The following NRP2 variants were observed in gnomAD, a reference collection of about 807,000 sequenced individuals.
NRP2 encodes neuropilin 2, also known as neuropilin-2.
In NRP2, 52 loss-of-function variants were observed where a neutral mutation model predicts 110.4. The ratio of observed to expected loss-of-function variants is 0.47; its 90% CI spans 0.38 to 0.59. NRP2 has a LOEUF of 0.59. Among genes scored for constraint, NRP2 ranks in the 20% least tolerant of loss-of-function variants. NRP2 has a pLI of 0.00. For synonymous variants in NRP2, 508 were observed against 468.9 expected, an observed-to-expected ratio of 1.08 and a Z score of -1.08; for missense variants, 1,049 against 1,203.0, an observed-to-expected ratio of 0.87 and a Z score of 1.89.
intron 2 of NRP2, among the ~76,000 whole-genome samples, chr2:205,708,511 G>A (rs557005839): frequency 1.3e-5 from 2 of 152,270 alleles, no homozygotes; most frequent in East Asian, 1.9e-4. Context: ...CTTATCAGAT[G>A]CGTTGTCTGG....
Position 205,686,286 on chromosome 2 carries a change from C to G in NRP2, c.73+2923C>G, listed in dbSNP as rs1411794377. Among the ~76,000 whole-genome samples, 1 of 152,122 alleles carries G rather than the reference C, an allele frequency of 6.6e-6. No individual in the cohort carries two copies. Among genetic ancestry groups the G allele is most frequent in the Non-Finnish European group, 1.5e-5 (1 of 68,020 alleles). On this transcript the variant is annotated intron_variant, in intron 1 of 16. Coordinates refer to ENST00000357785, the MANE Select transcript of NRP2 (RefSeq NM_003872.3). The surrounding 1 kb of genome is among the most constrained non-coding windows in gnomAD (Gnocchi z 4.7). Reference sequence around the variant, plus strand: ...CCTGCGGCATTTCTTCAACGCTGCCCTATGCCGGAAAGTTAGGTCTCGGCT... The same window carrying G: ...CCTGCGGCATTTCTTCAACGCTGCCGTATGCCGGAAAGTTAGGTCTCGGCT...
At chr2:205,689,991 A>G (rs1188622830) in intron 1 of NRP2, among the ~76,000 whole-genome samples, 2 of 152,210 alleles carry the variant, frequency 1.3e-5, no homozygotes, top group African/African-American at 4.8e-5. Flanking sequence ...GCTGGGAATA[A>G]CAAAAGAGAA....
chr2:205,703,472 C>A (rs1490612063), intron 2 of NRP2, among the ~76,000 whole-genome samples: 6 of 152,190 alleles, frequency 3.9e-5, no homozygotes, highest in Non-Finnish European at 8.8e-5. Flanking sequence ...AAGCAACTGG[C>A]CCAAGGTTCT....
At chr2:205,748,104 C>T (rs989032476) in intron 10 of NRP2, among the ~76,000 whole-genome samples, 4 of 152,170 alleles carry the variant, frequency 2.6e-5, no homozygotes, top group Non-Finnish European at 5.9e-5. Flanking sequence ...CATTTACACG[C>T]CCTGCCCTCC....
rs2058342310 is a variant in NRP2, at chr2:205,795,285, CG to C, written c.*231del. ...CGCGGTGGCTAAGTCATTGCAGGAA[CG>C]GGGCTGTGTTCTCTGCTGGGACAAA... On this transcript the variant is annotated 3_prime_UTR_variant, in exon 17 of 17. Coordinates refer to ENST00000357785, the MANE Select transcript of NRP2 (RefSeq NM_003872.3). The C allele has an allele frequency of 1.9e-6, 1 of 536,512 alleles. No homozygotes were observed. Among genetic ancestry groups the C allele is most frequent in the Admixed American group, 2.8e-5 (1 of 35,928 alleles). The allele number at this position is 536,512 out of a possible 1,614,324, so 33.2% of individuals were successfully genotyped here. A position where few individuals can be genotyped will look rare whatever the true frequency, so the allele number is the denominator to read the frequency against.
chr2:205,683,645 G>A (rs2056072039), intron 1 of NRP2, among the ~76,000 whole-genome samples: 2 of 152,032 alleles, frequency 1.3e-5, no homozygotes, highest in Admixed American at 6.5e-5. Context: ...CTGAATCAAA[G>A]GTTTAAAAAT....
Position 205,723,794 on chromosome 2 carries a change from T to C in NRP2, c.674T>C (p.Leu225Pro), listed in dbSNP as rs763366228. ...IWDGIPHVGP[L>P]IGKYCGTKTP... ...TGTCTTGAATGTCCAGTTGGCCCCCTGATTGGCAAGTACTGTGGGACCAAA... is the reference window on the plus strand; with the variant it reads ...TGTCTTGAATGTCCAGTTGGCCCCCCGATTGGCAAGTACTGTGGGACCAAA... Residue 225 changes from leucine to proline, a missense_variant, in exon 5 of 17, where the codon CTG (leucine) becomes CCG (proline). Transcript: ENST00000357785. 2.5e-6 allele frequency: 4 copies of C among 1,614,202 alleles called. No individual in the cohort carries two copies. Among genetic ancestry groups the C allele is most frequent in the Non-Finnish European group, 2.5e-6 (3 of 1,180,030 alleles).
At chr2:205,694,587 G>A (rs1443755481) in intron 1 of NRP2, among the ~76,000 whole-genome samples, 1 of 152,170 alleles carries the variant, frequency 6.6e-6, no homozygotes, top group African/African-American at 2.4e-5. Context: ...ATGGAGATTG[G>A]CCTTAAGGGT....
At chr2:205,712,288 G>T (rs1289872576) in intron 2 of NRP2, among the ~76,000 whole-genome samples, 1 of 152,150 alleles carries the variant, frequency 6.6e-6, no homozygotes, top group African/African-American at 2.4e-5. Context: ...AGCTTTGAAA[G>T]GAATTTTTCG....
intron 3 of NRP2, 27 bp downstream of exon 3, chr2:205,716,401 GGA>G: frequency 6.2e-7 from 1 of 1,611,892 alleles, no homozygotes; most frequent in Non-Finnish European, 8.5e-7. Flanking sequence ...GTAGGGGCCG[GGA>G]GATGGGCGTC....
At chr2:205,692,357 C>T (rs1029799526) in intron 1 of NRP2, among the ~76,000 whole-genome samples, 2 of 152,220 alleles carry the variant, frequency 1.3e-5, no homozygotes, top group Admixed American at 6.5e-5. Flanking sequence ...ATGAGACTGT[C>T]TTGTGACAGG....
intron 12 of NRP2, chr2:205,756,339 T>C (rs1047938725): frequency 6.6e-6 from 1 of 152,180 alleles, no homozygotes; most frequent in Non-Finnish European, 1.5e-5. Context: ...TACTAGGAGA[T>C]GGCATGTTTC....
intron 8 of NRP2, among the ~76,000 whole-genome samples, chr2:205,742,156 G>T (rs1239292148): frequency 6.6e-6 from 1 of 152,204 alleles, no homozygotes; most frequent in Non-Finnish European, 1.5e-5. Context: ...TGAAGAAGGG[G>T]AACAACGTGG....
chr2:205,716,130 G>A, intron 2 of NRP2, 63 bp from the exon 3 acceptor site: 8 of 1,539,244 alleles, frequency 5.2e-6, no homozygotes, highest in Non-Finnish European at 1.8e-6. Context: ...AAGTGGGAGC[G>A]ACACAGTGGT....
chr2:205,722,413 C>A, intron 3 of NRP2, 65 bp from the exon 4 acceptor site: 1 of 1,300,130 alleles, frequency 7.7e-7, no homozygotes, highest in South Asian at 1.2e-5. Context: ...TTAAATAACC[C>A]ATGTGACAGA....
rs765958813 is a variant in NRP2, at chr2:205,794,759, T to A, written c.2482T>A (p.Tyr828Asn). Residue 828 changes from tyrosine to asparagine, a missense_variant, in exon 17 of 17, where the codon TAC (tyrosine) becomes AAC (asparagine). Transcript: ENST00000357785. ...EGYEDEIDDE[Y>N]EVDWSNSSSA... ...ATGAATTTTATGTATCGCAGATGAA[T>A]ACGAGGTGGACTGGAGCAATTCTTC... The A allele has an allele frequency of 6.2e-7, 1 of 1,614,146 alleles. No individual in the cohort carries two copies. Among genetic ancestry groups the A allele is most frequent in the South Asian group, 1.1e-5 (1 of 91,084 alleles).
At chr2:205,772,372 T>A (rs923497113) in intron 15 of NRP2, among the ~76,000 whole-genome samples, 19 of 152,238 alleles carry the variant, frequency 1.2e-4, no homozygotes, top group African/African-American at 4.3e-4. Context: ...GCCTGGTTTC[T>A]CAAACTTTAT....
intron 10 of NRP2, among the ~76,000 whole-genome samples, chr2:205,749,158 C>G (rs2057594843): frequency 6.6e-6 from 1 of 152,188 alleles, no homozygotes; most frequent in East Asian, 1.9e-4. Context: ...ACCTTTAAAC[C>G]AGGCATGTAA....
rs114473565 is a variant in NRP2 at position 205,705,375 on chromosome 2, A to C, written c.251+7654A>C. On this transcript the variant is annotated intron_variant, in intron 2 of 16. Transcript: ENST00000357785. ...ATCCCTGAAAAATGTTAGCTGGGTC[A>C]AAATAAAATTTTCTAAAAAGAAGAA... Among the ~76,000 whole-genome samples, 751 of 152,352 alleles carry C rather than the reference A, an allele frequency of 4.9e-3. 4 individuals carry two copies. The highest frequency in any genetic ancestry group is 0.017 in the African/African-American group (714 of 41,568).
Sources: allele counts gnomAD v4.1 joint callset (sites outside exome capture counted in the v4.1 genomes callset), GRCh38; gene constraint gnomAD v4.1.1; non-coding constraint Gnocchi (gnomAD v3.1); transcripts MANE v1.5; gene names NCBI Gene and HGNC (gene_info 2026-07-23, HGNC 2026-07-21).